The following ZNF385D variants were observed in gnomAD, a reference collection of about 807,000 sequenced individuals.
The protein encoded by ZNF385D is zinc finger protein 385D.
A neutral mutation model predicts 35.8 loss-of-function variants in ZNF385D; 15 were observed. The observed-to-expected ratio is 0.42, with a 90% CI of 0.28 to 0.64. The LOEUF (loss-of-function observed/expected upper bound fraction) is 0.64, where lower values mean the gene tolerates loss of function less well. ZNF385D is among the 30% of genes least tolerant of loss of function. The pLI is 0.23. For synonymous variants in ZNF385D, 212 were observed against 186.8 expected, an observed-to-expected ratio of 1.13 and a Z score of -1.10; for missense variants, 474 against 494.6, an observed-to-expected ratio of 0.96 and a Z score of 0.39.
intron 1 of ZNF385D, among the ~76,000 whole-genome samples, chr3:21,747,370 T>C (rs2069827269): frequency 6.6e-6 from 1 of 152,212 alleles, no homozygotes; most frequent in Non-Finnish European, 1.5e-5. Context: ...CCCAGATCCT[T>C]CTTGGCTATA....
chr3:22,076,229 T>C (rs1454485339), intron 3 of ZNF385D, among the ~76,000 whole-genome samples: 1 of 151,890 alleles, frequency 6.6e-6, no homozygotes, highest in Non-Finnish European at 1.5e-5. Flanking sequence ...GTTTCTCACT[T>C]CATTCACAAT....
At chr3:22,093,728 G>C (rs1376948138) in intron 3 of ZNF385D, among the ~76,000 whole-genome samples, 1 of 151,580 alleles carries the variant, frequency 6.6e-6, no homozygotes, top group Non-Finnish European at 1.5e-5. Context: ...ATTTTTTCAG[G>C]GATTAATAAC....
intron 2 of ZNF385D, among the ~76,000 whole-genome samples, chr3:21,573,532 T>C (rs1206284544): frequency 6.6e-6 from 1 of 152,170 alleles, no homozygotes; most frequent in East Asian, 1.9e-4. Context: ...CACCAAGAGA[T>C]AATTACGAGG....
chr3:22,222,238 G>C lies in ZNF385D; in HGVS notation c.107-53203C>G, dbSNP rs1698300734. Among the ~76,000 whole-genome samples, 2 of 151,726 alleles carry C rather than the reference G, an allele frequency of 1.3e-5. 1 individual carries two copies. Among genetic ancestry groups the C allele is most frequent in the South Asian group, 4.2e-4 (2 of 4,808 alleles). Reference sequence around the variant, plus strand: ...CTTGCCTTGGCCTCTCAAAGTGCTGGGATAACAGGCATGAGCCACGTCCGG... The same window carrying C: ...CTTGCCTTGGCCTCTCAAAGTGCTGCGATAACAGGCATGAGCCACGTCCGG... On this transcript the variant is annotated intron_variant, in intron 2 of 5. Transcript: ENST00000494108.
chr3:22,071,419 A>C (rs896215953), intron 3 of ZNF385D, among the ~76,000 whole-genome samples: 8 of 152,172 alleles, frequency 5.3e-5, no homozygotes, highest in Non-Finnish European at 1.2e-4. Context: ...ATCCAGCTTC[A>C]TACTAGAGGT....
At chr3:22,260,227 C>T (rs1700552105) in intron 2 of ZNF385D, among the ~76,000 whole-genome samples, 1 of 151,878 alleles carries the variant, frequency 6.6e-6, no homozygotes, top group Non-Finnish European at 1.5e-5. Context: ...TCTCAGCAAA[C>T]TAACACAGGA....
chr3:21,451,822 T>C (rs1432491097), intron 4 of ZNF385D, among the ~76,000 whole-genome samples: 1 of 152,068 alleles, frequency 6.6e-6, no homozygotes, highest in Non-Finnish European at 1.5e-5. Context: ...AGCTCATTGA[T>C]ATAAAGTCAT....
chr3:22,041,285 C>CTA (rs1306034124), intron 3 of ZNF385D, among the ~76,000 whole-genome samples: 1 of 152,114 alleles, frequency 6.6e-6, no homozygotes, highest in Admixed American at 6.6e-5. Flanking sequence ...TCACATTGAA[C>CTA]TATAGCCAGG....
chr3:21,917,413 C>G (rs577461585), intron 3 of ZNF385D, among the ~76,000 whole-genome samples: 3 of 149,006 alleles, frequency 2.0e-5, no homozygotes, highest in Non-Finnish European at 4.4e-5. Context: ...GCCTGGGCAA[C>G]AGAGTGATAC....
intron 2 of ZNF385D, among the ~76,000 whole-genome samples, chr3:22,248,047 C>T (rs1432698692): frequency 6.6e-6 from 1 of 152,124 alleles, no homozygotes; most frequent in African/African-American, 2.4e-5. Context: ...AAAACAATGA[C>T]AACACTATCT....
chr3:21,654,918 C>G (rs2125231100), intron 2 of ZNF385D, among the ~76,000 whole-genome samples: 1 of 152,068 alleles, frequency 6.6e-6, no homozygotes, highest in Middle Eastern at 3.4e-3. Flanking sequence ...AGTAATTGTT[C>G]TTTACATTTA....
chr3:22,254,152 A>G (rs951916051), intron 2 of ZNF385D, among the ~76,000 whole-genome samples: 4 of 151,866 alleles, frequency 2.6e-5, no homozygotes. Flanking sequence ...AGTTAAAGAG[A>G]GAAAGGGAAA....
intron 3 of ZNF385D, among the ~76,000 whole-genome samples, chr3:21,895,685 T>C (rs949443761): frequency 1.3e-5 from 2 of 151,654 alleles, no homozygotes; most frequent in South Asian, 4.2e-4. Flanking sequence ...TTGGGGAAAA[T>C]AAAGTATAGT....
At chr3:22,272,788 C>G (rs985693153) in intron 2 of ZNF385D, among the ~76,000 whole-genome samples, 3 of 151,978 alleles carry the variant, frequency 2.0e-5, no homozygotes, top group Non-Finnish European at 2.9e-5. Flanking sequence ...ATTGTAGTAT[C>G]TCAGACTTAT....
At chr3:22,018,450 T>C (rs1177857118) in intron 3 of ZNF385D, among the ~76,000 whole-genome samples, 1 of 151,982 alleles carries the variant, frequency 6.6e-6, no homozygotes, top group African/African-American at 2.4e-5. Context: ...GATATTAATA[T>C]TGTCTTCAAA....
At chr3:21,971,118 T>C (rs34301192) in intron 3 of ZNF385D, among the ~76,000 whole-genome samples, 27,767 of 151,886 alleles carry the variant, frequency 0.18, 2,828 homozygotes, top group African/African-American at 0.24. Context: ...TAGGAAATCA[T>C]CTGAAGGTAC....
At chr3:22,162,868 T>C (rs533480339) in intron 3 of ZNF385D, among the ~76,000 whole-genome samples, 62 of 152,286 alleles carry the variant, frequency 4.1e-4, no homozygotes, top group African/African-American at 1.1e-3. Context: ...TTAAAAATCA[T>C]TGGTAGTGTC....
intron 3 of ZNF385D, among the ~76,000 whole-genome samples, chr3:21,871,273 A>G (rs1254311692): frequency 6.6e-6 from 1 of 152,092 alleles, no homozygotes; most frequent in African/African-American, 2.4e-5. Context: ...CTCCAATGTC[A>G]CATTGTCAAA....
At chr3:22,071,248 A>G (rs1203244132) in intron 3 of ZNF385D, among the ~76,000 whole-genome samples, 1 of 152,156 alleles carries the variant, frequency 6.6e-6, no homozygotes, top group Non-Finnish European at 1.5e-5. Context: ...GTTCCAACTC[A>G]TTCTTCAGTA....
Sources: gnomAD v4.1 joint callset for allele counts (sites outside exome capture counted in the v4.1 genomes callset) on GRCh38, gnomAD v4.1.1 for gene constraint, MANE v1.5 for transcripts, NCBI Gene and HGNC (gene_info 2026-07-23, HGNC 2026-07-21) for gene names.